ANKRD23: variants seen among roughly 807,000 people sequenced by gnomAD.
ANKRD23 encodes ankyrin repeat domain-containing protein 23.
A neutral mutation model predicts 38.1 loss-of-function variants in ANKRD23; 52 were observed. The observed-to-expected ratio is 1.36, with a 90% CI of 1.09 to 1.72. The LOEUF (loss-of-function observed/expected upper bound fraction) is 1.72, where lower values mean the gene tolerates loss of function less well. ANKRD23 is among the 40% of genes most tolerant of loss of function. ANKRD23 has a pLI of 0.00. For synonymous variants in ANKRD23, 167 were observed against 162.9 expected, an observed-to-expected ratio of 1.03 and a Z score of -0.19; for missense variants, 416 against 400.2, an observed-to-expected ratio of 1.04 and a Z score of -0.34.
rs2079734279 is a variant in ANKRD23 at position 96,839,613 on chromosome 2, TCTCGAGCCAG to T, written c.844_853del (p.Leu282ThrfsTer71). The T allele has an allele frequency of 1.1e-5, 16 of 1,497,234 alleles. No homozygotes were observed. Among genetic ancestry groups the T allele is most frequent in the Non-Finnish European group, 1.3e-5 (15 of 1,122,966 alleles). The allele number at this position is 1,497,234 out of a possible 1,614,324, so 92.7% of individuals were successfully genotyped here. ...GGCCTCCCGGATGCCGCGCTGCCAGTCTCGAGCCAGCTGCACCGGGGTCACGGAGGCCTGG... is the reference window on the plus strand; with the variant it reads ...GGCCTCCCGGATGCCGCGCTGCCAGTCTGCACCGGGGTCACGGAGGCCTGG... On this transcript the variant is annotated frameshift_variant, in exon 9 of 9. Transcript: ENST00000318357. LOFTEE classifies it high-confidence loss of function.
Position 96,840,406 on chromosome 2 carries a change from C to T in ANKRD23, c.525+10G>A, listed in dbSNP as rs2079746450. 6.2e-7 allele frequency: 1 copy of T among 1,613,928 alleles called. No homozygotes were observed. Among genetic ancestry groups the T allele is most frequent in the Non-Finnish European group, 8.5e-7 (1 of 1,179,962 alleles). ...CGTCGACCAGAGGCTGGGCCTTTCCCCATCCTCACCAAGTCTCGCGCGTCC... is the reference window on the plus strand; with the variant it reads ...CGTCGACCAGAGGCTGGGCCTTTCCTCATCCTCACCAAGTCTCGCGCGTCC... On this transcript the variant is annotated intron_variant, in intron 5 of 8. Coordinates refer to ENST00000318357, the MANE Select transcript of ANKRD23 (RefSeq NM_144994.8).
At chr2:96,842,593 G>A (rs2079774232) in intron 1 of ANKRD23, 82 bp from the exon 2 acceptor site, 1 of 1,494,490 alleles carries the variant, frequency 6.7e-7, no homozygotes, top group Admixed American at 2.2e-5. Flanking sequence ...GCAGGGAGCT[G>A]TCTTATAAGG....
At position 96,842,090 on chromosome 2, in the gene ANKRD23, G is replaced by A. The variant is rs144150866; in HGVS notation, c.270C>T (p.Val90=). ...QRRKKRLRHR[V]PPRKPEPLVK... is the part of the protein sequence containing the mutation. ...CCAGGGGCTCAGGTTTCCTGGGGGG[G>A]ACTCTGTGTCTCAGTCGCTTTTTCC... is the stretch of plus-strand genomic sequence containing the variant. The change falls in exon 3 of 9, where the codon GTC becomes GTT. Residue 90 remains valine, a synonymous_variant. Transcript: ENST00000318357. 19 of 1,614,158 alleles carry A rather than the reference G, an allele frequency of 1.2e-5. No individual in the cohort carries two copies. Among genetic ancestry groups the A allele is most frequent in the East Asian group, 6.7e-5 (3 of 44,884 alleles).
rs1487529023 is a variant in ANKRD23, at chr2:96,842,628, G to A, written c.28-117C>T. 1.6e-5 allele frequency: 21 copies of A among 1,289,028 alleles called. No homozygotes were observed. In the East Asian group the frequency reaches 3.7e-4, roughly 22 times the overall value. 79.8% of individuals were successfully genotyped at this position (1,289,028 alleles called of 1,614,324 possible). A position where few individuals can be genotyped will look rare whatever the true frequency, so the allele number is the denominator to read the frequency against. On this transcript the variant is annotated intron_variant, in intron 1 of 8. Coordinates refer to ENST00000318357, the MANE Select transcript of ANKRD23 (RefSeq NM_144994.8). ...GGCAGATGTCACAAGGCTGGTGCCC[G>A]GGATGGGAGCCGGCCTCAAAGCTCC...
chr2:96,839,645 C>A lies in ANKRD23; in HGVS notation c.823-1G>T. Reference sequence around the variant, plus strand: ...CCAGCTGCACCGGGGTCACGGAGGCCTGGGAGCAACGGTGTGGGTCAGTCC... The same window carrying A: ...CCAGCTGCACCGGGGTCACGGAGGCATGGGAGCAACGGTGTGGGTCAGTCC... On this transcript the variant is annotated splice_acceptor_variant, in intron 8 of 8. Transcript: ENST00000318357. LOFTEE classifies it high-confidence loss of function. 2.6e-6 allele frequency: 4 copies of A among 1,528,378 alleles called. No individual in the cohort carries two copies. The highest frequency in any genetic ancestry group is 3.5e-6 in the Non-Finnish European group (4 of 1,134,728). The allele number at this position is 1,528,378 out of a possible 1,614,324, so 94.7% of individuals were successfully genotyped here.
chr2:96,842,374 C>T lies in ANKRD23; in HGVS notation c.165G>A (p.Lys55=), dbSNP rs1203463688. The change falls in exon 2 of 9, where the codon AAG becomes AAA. Residue 55 remains lysine (K), a synonymous_variant. Transcript: ENST00000318357. ...CCCGCCCCTCTCTCACTTTCTTCTT[C>T]TTCTCTTCTTCCAATTTCAGCTTCT... ...AREKLKLEEE[K]KKKLERFNST... 3 of 1,160,000 alleles carry T rather than the reference C, an allele frequency of 2.6e-6. No homozygotes were observed. Among genetic ancestry groups the T allele is most frequent in the African/African-American group, 1.7e-5 (1 of 59,960 alleles). The allele number at this position is 1,160,000 out of a possible 1,614,324, so 71.9% of individuals were successfully genotyped here. A position where few individuals can be genotyped will look rare whatever the true frequency, so the allele number is the denominator to read the frequency against.
chr2:96,843,881 G>T, intron 1 of ANKRD23, 85 bp downstream of exon 1: 4 of 1,393,398 alleles, frequency 2.9e-6, no homozygotes, highest in Non-Finnish European at 4.0e-6. Context: ...TCACACCACA[G>T]AAAGAAGCTG....
chr2:96,839,017 C>T lies in ANKRD23; in HGVS notation c.*532G>A, dbSNP rs562530335. 8.5e-5 allele frequency: 84 copies of T among 985,964 alleles called. No individual in the cohort carries two copies. The Middle Eastern group carries it at 2.6e-3, about 31-fold the overall frequency. The allele number at this position is 985,964 out of a possible 1,614,324, so 61.1% of individuals were successfully genotyped here. A position where few individuals can be genotyped will look rare whatever the true frequency, so the allele number is the denominator to read the frequency against. On this transcript the variant is annotated 3_prime_UTR_variant, in exon 9 of 9. Coordinates refer to ENST00000318357, the MANE Select transcript of ANKRD23 (RefSeq NM_144994.8). ...GGGTCCCCAGAGAAAGCCATGCCCA[C>T]AGGCATCCACCAGCTGCAGACAGGC...
chr2:96,840,683 A>C, intron 4 of ANKRD23, 104 bp downstream of exon 4: 1 of 1,554,824 alleles, frequency 6.4e-7, no homozygotes, highest in Non-Finnish European at 8.8e-7. Flanking sequence ...CATGCCCATA[A>C]GAGTGAAAAT....
Position 96,842,531 on chromosome 2 carries a change from G to C in ANKRD23, c.28-20C>G. On this transcript the variant is annotated intron_variant, in intron 1 of 8. Coordinates refer to ENST00000318357, the MANE Select transcript of ANKRD23 (RefSeq NM_144994.8). ...ACTTACCTGTAGGAACAGGATATGA[G>C]TACTGAGTTGGGAAAATTGGAGGAA... 6.3e-7 allele frequency: 1 copy of C among 1,595,716 alleles called. No individual in the cohort carries two copies. The highest frequency in any genetic ancestry group is 8.5e-7 in the Non-Finnish European group (1 of 1,172,522).
chr2:96,840,448 C>G lies in ANKRD23; in HGVS notation c.493G>C (p.Val165Leu), dbSNP rs758370218. ...CGCGCGTCCACTGTGGCACCTGCCA[C>G]CAGCAGCTTGTTCACCAGCTGGCTG... is the stretch of plus-strand genomic sequence containing the variant. The part of the protein sequence containing the change: ...GHSQLVNKLL[V>L]AGATVDARDL... Residue 165 changes from valine (V) to leucine (L), a missense_variant, in exon 5 of 9, where the codon GTG becomes CTG. Coordinates refer to ENST00000318357, the MANE Select transcript of ANKRD23 (RefSeq NM_144994.8). 6.2e-7 allele frequency: 1 copy of G among 1,614,134 alleles called. No homozygotes were observed. Among genetic ancestry groups the G allele is most frequent in the Non-Finnish European group, 8.5e-7 (1 of 1,180,036 alleles).
At chr2:96,842,591 C>A in intron 1 of ANKRD23, 80 bp from the exon 2 acceptor site, 11 of 1,512,840 alleles carry the variant, frequency 7.3e-6, no homozygotes, top group Non-Finnish European at 9.7e-6. Context: ...TAGCAGGGAG[C>A]TGTCTTATAA....
At position 96,839,902 on chromosome 2, in the gene ANKRD23, A is replaced by G; in HGVS notation, c.724-77T>C. On this transcript the variant is annotated intron_variant, in intron 7 of 8. Transcript: ENST00000318357. Reference sequence around the variant, plus strand: ...ATGCAGGAAGGTCAGGGCTGCTGTCACCGAGCAGACAGCACCTCTGGTCCT... The same window carrying G: ...ATGCAGGAAGGTCAGGGCTGCTGTCGCCGAGCAGACAGCACCTCTGGTCCT... 4 of 1,547,092 alleles carry G rather than the reference A, an allele frequency of 2.6e-6. No individual in the cohort carries two copies. In the Admixed American group the frequency reaches 7.8e-5, roughly 30 times the overall value.
intron 1 of ANKRD23, among the ~76,000 whole-genome samples, chr2:96,842,854 C>A (rs1051708433): frequency 6.6e-6 from 1 of 152,204 alleles, no homozygotes; most frequent in Non-Finnish European, 1.5e-5. Flanking sequence ...CAGATGACAC[C>A]TTAGCTTCCC....
rs2079736886 is a variant in ANKRD23 at position 96,839,766 on chromosome 2, T to C, written c.783A>G (p.Leu261=). Residue 261 remains leucine, a synonymous_variant, in exon 8 of 9, where the codon CTA becomes CTG. Transcript: ENST00000318357. ...VRHGSYKAMK[L]LLLYGAELGV... is the part of the protein sequence containing the mutation. ...CCAGCTCGGCCCCATAGAGCAGCAG[T>C]AGCTTCATGGCTTTGTAGCTGCCGT... 3.1e-6 allele frequency: 5 copies of C among 1,613,424 alleles called. No homozygotes were observed. The East Asian group carries it at 6.7e-5, about 22-fold the overall frequency.
Position 96,839,443 on chromosome 2 carries a change from GAGGAACCAGGGCTGAGGGC to G in ANKRD23, c.*87_*105del, listed in dbSNP as rs1487652778. On this transcript the variant is annotated 3_prime_UTR_variant, in exon 9 of 9. Coordinates refer to ENST00000318357, the MANE Select transcript of ANKRD23 (RefSeq NM_144994.8). ...GCTGAGGCGGCACAGGCCAGAGAGG[GAGGAACCAGGGCTGAGGGC>G]AGGAACCACAGAGGTGCAGACGCGG... The G allele has an allele frequency of 2.4e-5, 32 of 1,347,240 alleles. No individual in the cohort carries two copies. The highest frequency in any genetic ancestry group is 3.0e-5 in the Non-Finnish European group (32 of 1,055,296). 83.5% of individuals were successfully genotyped at this position (1,347,240 alleles called of 1,614,324 possible).
At chr2:96,841,943 G>T in intron 3 of ANKRD23, 117 bp downstream of exon 3, 1 of 1,459,028 alleles carries the variant, frequency 6.9e-7, no homozygotes, top group Non-Finnish European at 9.4e-7. Flanking sequence ...GGATTTAATG[G>T]GCTCCCCAGG....
Position 96,840,523 on chromosome 2 carries a change from A to G in ANKRD23, c.427-9T>C. On this transcript the variant is annotated splice_polypyrimidine_tract_variant and intron_variant, in intron 4 of 8. Coordinates refer to ENST00000318357, the MANE Select transcript of ANKRD23 (RefSeq NM_144994.8). ...AAGGCGGTGCGGTGGAGCTGAGGGC[A>G]GAGATGGAAGATTAGGCAGAGGGAG... 1 of 1,613,368 alleles carries G rather than the reference A, an allele frequency of 6.2e-7. No homozygotes were observed. The highest frequency in any genetic ancestry group is 8.5e-7 in the Non-Finnish European group (1 of 1,179,812).
At position 96,838,429 on chromosome 2, in the gene ANKRD23, G is replaced by A. The variant is rs1466979285; in HGVS notation, c.*1120C>T. ...CAGACGGTGGAAGAGGAAGTCTAGG[G>A]AGCTTGGGTCCTTAGACCACCAGGG... On this transcript the variant is annotated 3_prime_UTR_variant, in exon 9 of 9. Coordinates refer to ENST00000318357, the MANE Select transcript of ANKRD23 (RefSeq NM_144994.8). 3.0e-6 allele frequency: 3 copies of A among 988,050 alleles called. No homozygotes were observed. The highest frequency in any genetic ancestry group is 1.7e-5 in the African/African-American group (1 of 57,310). 61.2% of individuals were successfully genotyped at this position (988,050 alleles called of 1,614,324 possible). A position where few individuals can be genotyped will look rare whatever the true frequency, so the allele number is the denominator to read the frequency against.
Sources: allele counts gnomAD v4.1 joint callset (sites outside exome capture counted in the v4.1 genomes callset), GRCh38; gene constraint gnomAD v4.1.1; transcripts MANE v1.5; gene names NCBI Gene and HGNC (gene_info 2026-07-23, HGNC 2026-07-21).